ACACA: variants seen among roughly 807,000 people sequenced by gnomAD.
The protein encoded by ACACA is acetyl-CoA carboxylase alpha.
Under a neutral mutation model 296.1 loss-of-function variants are expected in ACACA, and 103 were observed. The ratio of observed to expected loss-of-function variants is 0.35; its 90% CI spans 0.30 to 0.41. ACACA has a LOEUF of 0.41. ACACA is among the 10% of genes least tolerant of loss of function. The probability of loss-of-function intolerance (pLI) is 1.00; values close to 1 mark genes in which losing one functional copy is unlikely to be tolerated. For synonymous variants in ACACA, 953 were observed against 1,038.6 expected, an observed-to-expected ratio of 0.92 and a Z score of 1.58; for missense variants, 1,554 against 2,989.7, an observed-to-expected ratio of 0.52 and a Z score of 11.20.
intron 44 of ACACA, 103 bp from the exon 45 acceptor site, chr17:37,150,077 T>C: frequency 1.0e-6 from 1 of 1,001,254 alleles, no homozygotes; most frequent in Non-Finnish European, 1.6e-6. Context: ...GAAATAAACA[T>C]TGCTTTTTAT....
rs2050848037 is a variant in ACACA, at chr17:37,390,784, C to T, written c.38+15478G>A. Among the ~76,000 whole-genome samples, 3 of 150,420 alleles carry T rather than the reference C, an allele frequency of 2.0e-5. No individual in the cohort carries two copies. In the South Asian group the frequency reaches 6.3e-4, roughly 32 times the overall value. Reference sequence around the variant, plus strand: ...CTCCAGCCTGGGAAAAAGGGTGAGACCCTGTGTCCAAAAAAAAAAAAAAAT... The same window carrying T: ...CTCCAGCCTGGGAAAAAGGGTGAGATCCTGTGTCCAAAAAAAAAAAAAAAT... On this transcript the variant is annotated intron_variant, in intron 1 of 55. Coordinates refer to ENST00000616317, the MANE Select transcript of ACACA (RefSeq NM_198834.3).
At chr17:37,285,732 A>T (rs965553354) in intron 3 of ACACA, among the ~76,000 whole-genome samples, 3 of 151,572 alleles carry the variant, frequency 2.0e-5, no homozygotes, top group African/African-American at 7.3e-5. Context: ...GGCGCAGCTG[A>T]GGCAGATAAA....
rs184219458 is a variant in ACACA, at chr17:37,227,143, C to T, written c.3247-691G>A. ...ATCCATGGTTTATTCAGTATTGGGT[C>T]CTTCCTCTTCTAAGAAGTAAAAAAT... On this transcript the variant is annotated intron_variant, in intron 25 of 55. Coordinates refer to ENST00000616317, the MANE Select transcript of ACACA (RefSeq NM_198834.3). Among the ~76,000 whole-genome samples the T allele has an allele frequency of 5.2e-3, 796 of 152,216 alleles. 8 individuals are homozygous for T. The highest frequency in any genetic ancestry group is 0.018 in the African/African-American group (747 of 41,534).
intron 40 of ACACA, among the ~76,000 whole-genome samples, chr17:37,179,853 TTCC>T (rs2077254046): frequency 6.6e-6 from 1 of 152,206 alleles, no homozygotes; most frequent in African/African-American, 2.4e-5. Flanking sequence ...CTACTAGAAA[TTCC>T]AGGGAAGAAA....
intron 2 of ACACA, among the ~76,000 whole-genome samples, chr17:37,333,723 G>A (rs543568831): frequency 1.3e-5 from 2 of 151,034 alleles, no homozygotes; most frequent in Non-Finnish European, 2.9e-5. Context: ...GTCAGGGCCT[G>A]TGAAGTGTGC....
At chr17:37,256,290 C>T (rs1357839109) in intron 14 of ACACA, among the ~76,000 whole-genome samples, 2 of 152,140 alleles carry the variant, frequency 1.3e-5, no homozygotes, top group Non-Finnish European at 2.9e-5. Context: ...CATAATATGG[C>T]AGCGAATATG....
At chr17:37,276,273 A>C (rs960842011) in intron 7 of ACACA, among the ~76,000 whole-genome samples, 1 of 152,220 alleles carries the variant, frequency 6.6e-6, no homozygotes, top group African/African-American at 2.4e-5. Context: ...TGAGAGCTCA[A>C]TATATATAAA....
rs1411696921 is a variant in ACACA, at chr17:37,172,261, A to G, written c.5079+6999T>C. Among the ~76,000 whole-genome samples, 3 of 152,350 alleles carry G rather than the reference A, an allele frequency of 2.0e-5. No individual in the cohort carries two copies. The East Asian group carries it at 5.8e-4, about 29-fold the overall frequency. On this transcript the variant is annotated intron_variant, in intron 41 of 55. Transcript: ENST00000616317. ...ACTACTTTAGTGAGCCAGTGGATGCATTAGGATTTTCAAAGTCAATCAAGG... is the reference window on the plus strand; with the variant it reads ...ACTACTTTAGTGAGCCAGTGGATGCGTTAGGATTTTCAAAGTCAATCAAGG...
At chr17:37,177,778 T>C (rs1188023615) in intron 41 of ACACA, among the ~76,000 whole-genome samples, 2 of 152,182 alleles carry the variant, frequency 1.3e-5, no homozygotes, top group Non-Finnish European at 2.9e-5. Context: ...TATATATCTA[T>C]GCTTGTCAAA....
At chr17:37,270,667 G>A (rs2082028248) in intron 10 of ACACA, 84 bp downstream of exon 10, 1 of 1,038,562 alleles carries the variant, frequency 9.6e-7, no homozygotes, top group Non-Finnish European at 1.5e-6. Context: ...ATATTTTCTG[G>A]GCATCCAAAT....
intron 52 of ACACA, among the ~76,000 whole-genome samples, chr17:37,110,558 G>C (rs1369902500): frequency 6.6e-6 from 1 of 152,196 alleles, no homozygotes; most frequent in Non-Finnish European, 1.5e-5. Context: ...GTGTTTGGCA[G>C]GCAACCTGGC....
intron 52 of ACACA, among the ~76,000 whole-genome samples, chr17:37,101,003 G>A (rs927320418): frequency 6.6e-6 from 1 of 151,742 alleles, no homozygotes; most frequent in African/African-American, 2.4e-5. Context: ...AGGCTGAGGC[G>A]TGAGAATTGC....
intron 36 of ACACA, 25 bp from the exon 37 acceptor site, chr17:37,192,330 AC>A: frequency 6.2e-7 from 1 of 1,606,468 alleles, no homozygotes; most frequent in Non-Finnish European, 8.5e-7. Context: ...CAGAGAAAAA[AC>A]AGCTCACAAG....
At chr17:37,127,873 A>G (rs2074876169) in intron 47 of ACACA, among the ~76,000 whole-genome samples, 1 of 150,944 alleles carries the variant, frequency 6.6e-6, no homozygotes, top group East Asian at 1.9e-4. Context: ...GAAAAAAAAA[A>G]AGACTGACAG....
intron 7 of ACACA, 78 bp from the exon 8 acceptor site, chr17:37,276,127 T>A: frequency 9.6e-7 from 1 of 1,040,648 alleles, no homozygotes. Flanking sequence ...CCTTGTATTA[T>A]AGCTATTTAT....
chr17:37,335,939 G>A (rs531219608), intron 2 of ACACA, among the ~76,000 whole-genome samples: 177 of 151,980 alleles, frequency 1.2e-3, no homozygotes, highest in African/African-American at 4.1e-3. Context: ...ATTCAAGGTC[G>A]AATATAACGT....
chr17:37,195,980 C>T (rs1002329571), intron 35 of ACACA, among the ~76,000 whole-genome samples: 1 of 152,218 alleles, frequency 6.6e-6, no homozygotes, highest in East Asian at 1.9e-4. Flanking sequence ...AGAAATTATG[C>T]CCTTGCTGTG....
intron 3 of ACACA, among the ~76,000 whole-genome samples, chr17:37,327,874 G>A (rs1280199470): frequency 1.3e-5 from 2 of 152,106 alleles, no homozygotes; most frequent in Non-Finnish European, 2.9e-5. Context: ...TCCTTTGTCC[G>A]ATAAATGCAA....
At chr17:37,368,138 A>T (rs1347545124) in intron 1 of ACACA, among the ~76,000 whole-genome samples, 1 of 151,534 alleles carries the variant, frequency 6.6e-6, no homozygotes, top group Non-Finnish European at 1.5e-5. Flanking sequence ...CATGAGCAAC[A>T]GAGTGGAGGC....
Sources: allele counts gnomAD v4.1 joint callset (sites outside exome capture counted in the v4.1 genomes callset), GRCh38; gene constraint gnomAD v4.1.1; transcripts MANE v1.5; gene names NCBI Gene and HGNC (gene_info 2026-07-23, HGNC 2026-07-21).